Variants in ALPK2 observed in about 807,000 individuals in gnomAD.
ALPK2 encodes the protein alpha-protein kinase 2.
A neutral mutation model predicts 163.1 loss-of-function variants in ALPK2; 127 were observed. That is an observed-to-expected ratio of 0.78 (90% CI 0.67 to 0.90). The LOEUF (loss-of-function observed/expected upper bound fraction) is 0.90, where lower values mean the gene tolerates loss of function less well. Ranked by LOEUF, ALPK2 falls within the 40% of genes least tolerant of loss-of-function variation. The pLI is 0.00. For missense variants in ALPK2, 2,360 were observed against 2,589.6 expected (o/e 0.91, Z 1.92); for synonymous variants, 953 against 959.1 (o/e 0.99, Z 0.12).
At chr18:58,554,850 G>A (rs768281670) in intron 4 of ALPK2, among the ~76,000 whole-genome samples, 6 of 152,182 alleles carry the variant, frequency 3.9e-5, no homozygotes, top group Non-Finnish European at 5.9e-5. Context: ...CCCCATGGGA[G>A]GTAATTGAAT....
At chr18:58,490,528 A>G (rs1227710868) in intron 12 of ALPK2, among the ~76,000 whole-genome samples, 2 of 151,650 alleles carry the variant, frequency 1.3e-5, no homozygotes, top group South Asian at 2.1e-4. Context: ...GCCCAGTGCT[A>G]TGGCCCCTCC....
Position 58,592,136 on chromosome 18 carries a change from A to G in ALPK2, c.228-11588T>C, listed in dbSNP as rs892648587. Among the ~76,000 whole-genome samples, 10 of 152,338 alleles carry G rather than the reference A, an allele frequency of 6.6e-5. 1 individual carries two copies. The highest frequency in any genetic ancestry group is 6.2e-4 in the South Asian group (3 of 4,818). On this transcript the variant is annotated intron_variant, in intron 3 of 12. Coordinates refer to ENST00000361673, the MANE Select transcript of ALPK2 (RefSeq NM_052947.4). ...TATCTGATGTGACCTGTGGCCCCCAATGAGCAGGAACACCCCGTTCTCCCA... is the reference window on the plus strand; with the variant it reads ...TATCTGATGTGACCTGTGGCCCCCAGTGAGCAGGAACACCCCGTTCTCCCA...
At chr18:58,569,063 A>C (rs1940221141) in intron 4 of ALPK2, among the ~76,000 whole-genome samples, 1 of 152,162 alleles carries the variant, frequency 6.6e-6, no homozygotes, top group African/African-American at 2.4e-5. Flanking sequence ...AAAATAGAAA[A>C]ATTAGCCAGG....
In ALPK2 at chr18:58,518,916, A is replaced by C. The variant is rs531061419; in HGVS notation, c.5666-1734T>G. ...CTTCTTAAATGAGCACTTCTGGAGT[A>C]TCTCCCATGTATATATGAATTATAC... On this transcript the variant is annotated intron_variant, in intron 8 of 12. Coordinates refer to ENST00000361673, the MANE Select transcript of ALPK2 (RefSeq NM_052947.4). Among the ~76,000 whole-genome samples the C allele has an allele frequency of 1.7e-4, 26 of 152,348 alleles. 1 individual carries two copies. In the East Asian group the frequency reaches 5.0e-3, roughly 29 times the overall value.
chr18:58,568,523 G>A (rs1167091805), intron 4 of ALPK2, among the ~76,000 whole-genome samples: 6 of 152,054 alleles, frequency 3.9e-5, no homozygotes, highest in Admixed American at 3.3e-4. Context: ...AGGCACGCAC[G>A]CCTGAGCTCT....
chr18:58,549,920 C>T (rs930695475), intron 4 of ALPK2, among the ~76,000 whole-genome samples: 7 of 152,108 alleles, frequency 4.6e-5, no homozygotes, highest in African/African-American at 1.7e-4. Flanking sequence ...GCTTGCTCCA[C>T]CACAATCCCG....
intron 10 of ALPK2, among the ~76,000 whole-genome samples, chr18:58,507,729 C>T (rs1442285330): frequency 6.6e-6 from 1 of 152,226 alleles, no homozygotes; most frequent in Non-Finnish European, 1.5e-5. Context: ...TCTGACCTGA[C>T]TCCATTTTCC....
At chr18:58,528,241 T>C (rs2051593932) in intron 6 of ALPK2, among the ~76,000 whole-genome samples, 1 of 152,142 alleles carries the variant, frequency 6.6e-6, no homozygotes, top group African/African-American at 2.4e-5. Context: ...TTTATTATCT[T>C]AAGGACATGG....
chr18:58,624,963 G>A (rs747617270), intron 1 of ALPK2, among the ~76,000 whole-genome samples: 3 of 152,154 alleles, frequency 2.0e-5, no homozygotes, highest in Non-Finnish European at 4.4e-5. Flanking sequence ...TCAAGAAGGC[G>A]GGGGAGGAGA....
In ALPK2 at chr18:58,512,870, G is replaced by A. The variant is rs562435317; in HGVS notation, c.6029+2123C>T. 4.8e-3 allele frequency among the ~76,000 whole-genome samples: 664 copies of A among 139,462 alleles called. 4 individuals are homozygous for A. The highest frequency in any genetic ancestry group is 7.7e-3 in the Middle Eastern group (2 of 260). The allele number at this position is 139,462 out of a possible 152,430, so 91.5% of individuals were successfully genotyped here. The stretch of plus-strand genomic sequence containing the variant: ...GTGGTGTGTGTGTGGTGTGTTGTAT[G>A]TGTGGTGTGTGTGGGGGTGTGTAAT... On this transcript the variant is annotated intron_variant, in intron 10 of 12. Coordinates refer to ENST00000361673, the MANE Select transcript of ALPK2 (RefSeq NM_052947.4).
intron 4 of ALPK2, among the ~76,000 whole-genome samples, chr18:58,541,570 C>T (rs1396377308): frequency 6.6e-6 from 1 of 152,222 alleles, no homozygotes; most frequent in African/African-American, 2.4e-5. Context: ...TGGTTGAATC[C>T]TTGACCGTGT....
At chr18:58,608,069 CTAAT>C (rs1484082827) in intron 2 of ALPK2, among the ~76,000 whole-genome samples, 1 of 152,180 alleles carries the variant, frequency 6.6e-6, no homozygotes, top group African/African-American at 2.4e-5. Flanking sequence ...GGTTTCTTCT[CTAAT>C]TAATTAGTTG....
Position 58,500,805 on chromosome 18 carries a change from C to T in ALPK2, c.6248-2708G>A, listed in dbSNP as rs530751869. ...AAAAAAAAAAAAAAAGCTCATTCTC[C>T]AGAATTCAAGGTCTTGAGTTTTTTG... On this transcript the variant is annotated intron_variant, in intron 11 of 12. Coordinates refer to ENST00000361673, the MANE Select transcript of ALPK2 (RefSeq NM_052947.4). 2.6e-5 allele frequency among the ~76,000 whole-genome samples: 4 copies of T among 151,226 alleles called. No homozygotes were observed. In the South Asian group the frequency reaches 8.3e-4, roughly 32 times the overall value.
At chr18:58,569,254 C>T (rs1329301309) in intron 4 of ALPK2, among the ~76,000 whole-genome samples, 1 of 152,126 alleles carries the variant, frequency 6.6e-6, no homozygotes. Flanking sequence ...AGGCTCTCAA[C>T]CTTGGAAGTA....
At chr18:58,555,573 T>C (rs1200537279) in intron 4 of ALPK2, among the ~76,000 whole-genome samples, 1 of 152,226 alleles carries the variant, frequency 6.6e-6, no homozygotes, top group Non-Finnish European at 1.5e-5. Flanking sequence ...TGTTATAAAG[T>C]CTACCTACTC....
At chr18:58,606,910 C>T (rs1338415420) in intron 3 of ALPK2, among the ~76,000 whole-genome samples, 2 of 152,216 alleles carry the variant, frequency 1.3e-5, no homozygotes, top group Non-Finnish European at 2.9e-5. Flanking sequence ...CTAGCCTGAA[C>T]TCCACCACCA....
chr18:58,597,992 G>T (rs1430635648), intron 3 of ALPK2, among the ~76,000 whole-genome samples: 1 of 152,212 alleles, frequency 6.6e-6, no homozygotes, highest in Non-Finnish European at 1.5e-5. Flanking sequence ...AACCATGCTG[G>T]CACCTCAATC....
chr18:58,591,279 T>C (rs1343051817), intron 3 of ALPK2, among the ~76,000 whole-genome samples: 1 of 152,242 alleles, frequency 6.6e-6, no homozygotes, highest in Non-Finnish European at 1.5e-5. Context: ...CTTACAGATG[T>C]TGGAACTGAG....
intron 4 of ALPK2, among the ~76,000 whole-genome samples, chr18:58,557,714 ATTGGATTG>A (rs2051802146): frequency 2.5e-5 from 1 of 39,978 alleles, no homozygotes. Context: ...ATATTTTGTC[ATTGGATTG>A]TATTTATAGT....
Sources: gnomAD v4.1 joint callset for allele counts (sites outside exome capture counted in the v4.1 genomes callset) on GRCh38, gnomAD v4.1.1 for gene constraint, MANE v1.5 for transcripts, NCBI Gene and HGNC (gene_info 2026-07-23, HGNC 2026-07-21) for gene names.